The following RNASEK variants were observed in gnomAD, a reference collection of about 807,000 sequenced individuals.
The protein encoded by RNASEK is ribonuclease kappa.
A neutral mutation model predicts 11.2 loss-of-function variants in RNASEK; 7 were observed. That is an observed-to-expected ratio of 0.62 (90% CI 0.35 to 1.17). The LOEUF (loss-of-function observed/expected upper bound fraction) is 1.17, where lower values mean the gene tolerates loss of function less well. Among genes scored for constraint, RNASEK ranks in the 50% most tolerant of loss-of-function variants. RNASEK has a pLI of 0.02. For synonymous variants in RNASEK, 46 were observed against 49.5 expected (o/e 0.93, Z 0.30); for missense variants, 101 against 126.7 (o/e 0.80, Z 0.97).
rs113538531 is a variant in RNASEK at position 7,014,147 on chromosome 17, A to G, written c.158A>G (p.Asn53Ser). The G allele has an allele frequency of 1.8e-4, 283 of 1,554,744 alleles. 1 individual carries two copies. In the African/African-American group the frequency reaches 3.3e-3, roughly 18 times the overall value. ...CTTTGCTTCATTCCCACCCCCAGGA[A>G]TGGCCCCCAGAACATATACAACCTT... ...DVPFTEKDFE[N>S]GPQNIYNLYE... Residue 53 changes from asparagine to serine, a missense_variant and splice_region_variant, in exon 3 of 3, where the codon AAT becomes AGT. Physicochemically the swap from Asn to Ser is conservative, Grantham distance 46 (BLOSUM62 1). Transcript: ENST00000593646. The surrounding 1 kb of genome is among the most constrained non-coding windows in gnomAD (Gnocchi z 4.5).
intron 1 of RNASEK, chr17:7,013,356 A>C (rs1369773673): frequency 1.3e-6 from 2 of 1,530,020 alleles, no homozygotes; most frequent in Non-Finnish European, 1.8e-6. Flanking sequence ...AAATGATATG[A>C]AGAAGTGCCG....
At chr17:7,013,540 CCA>C (rs781211222) in intron 1 of RNASEK, 124 bp from the exon 2 acceptor site, 1 of 1,606,668 alleles carries the variant, frequency 6.2e-7, no homozygotes, top group East Asian at 2.2e-5. Context: ...AATCCAGTAA[CCA>C]CCACCTCGTT....
rs1281386557 is a variant in RNASEK at position 7,014,257 on chromosome 17, A to G, written c.268A>G (p.Asn90Asp). 1 of 1,613,714 alleles carries G rather than the reference A, an allele frequency of 6.2e-7. No individual in the cohort carries two copies. The highest frequency in any genetic ancestry group is 8.5e-7 in the Non-Finnish European group (1 of 1,179,802). The change falls in exon 3 of 3, where the codon AAT becomes GAT. Residue 90 changes from asparagine (N) to aspartate (D), a missense_variant. Physicochemically the swap from Asn to Asp is conservative, Grantham distance 23 (BLOSUM62 1). Transcript: ENST00000593646. The surrounding 1 kb of genome is among the most constrained non-coding windows in gnomAD (Gnocchi z 4.5). Reference sequence around the variant, plus strand: ...CTTCTCTTTCTGCCAAGTTCGGCTCAATAAGCGCAAGGAATACATGGTGCG... The same window carrying G: ...CTTCTCTTTCTGCCAAGTTCGGCTCGATAAGCGCAAGGAATACATGGTGCG... Reference protein sequence around the residue: ...GGFSFCQVRLNKRKEYMVR With the variant: ...GGFSFCQVRLDKRKEYMVR
At chr17:7,013,306 C>T in intron 1 of RNASEK, 5 of 1,502,668 alleles carry the variant, frequency 3.3e-6, no homozygotes, top group Non-Finnish European at 4.4e-6. Flanking sequence ...GTAGCTGGGC[C>T]TTGTTTTCCC....
intron 2 of RNASEK, 196 bp downstream of exon 2, chr17:7,013,938 G>A: frequency 1.5e-6 from 1 of 688,024 alleles, no homozygotes; most frequent in Non-Finnish European, 2.5e-6. Context: ...ACCACCTTAG[G>A]TGTGACCTCT....
Position 7,012,658 on chromosome 17 carries a change from C to T in RNASEK, c.-26C>T, listed in dbSNP as rs970835499. The T allele has an allele frequency of 1.2e-6, 2 of 1,611,384 alleles. No individual in the cohort carries two copies. Among genetic ancestry groups the T allele is most frequent in the African/African-American group, 2.7e-5 (2 of 74,942 alleles). On this transcript the variant is annotated 5_prime_UTR_variant, in exon 1 of 3. Coordinates refer to ENST00000593646, the MANE Select transcript of RNASEK (RefSeq NM_001004333.5). ...CACCGCTTTCCGAGCCCGCTTGCAC[C>T]TCGGCGATCCCCGACTCCCTTCTTT...
chr17:7,012,902 A>G (rs1369277818), intron 1 of RNASEK, 141 bp downstream of exon 1: 2 of 701,948 alleles, frequency 2.8e-6, no homozygotes, highest in Admixed American at 5.8e-5. Flanking sequence ...ACAGACTGAA[A>G]TTGAAAAATG....
chr17:7,012,840 GGGCCGCAGGCA>G, intron 1 of RNASEK, 79 bp downstream of exon 1: 3 of 1,374,688 alleles, frequency 2.2e-6, no homozygotes, highest in Non-Finnish European at 2.0e-6. Context: ...AGGAAACTCT[GGGCCGCAGGCA>G]GGCCGGAGGG....
At chr17:7,013,317 A>T in intron 1 of RNASEK, 1 of 1,512,518 alleles carries the variant, frequency 6.6e-7, no homozygotes, top group Non-Finnish European at 8.8e-7. Context: ...TTGTTTTCCC[A>T]GTAATCCACC....
At chr17:7,013,379 C>T (rs973327132) in intron 1 of RNASEK, 1 of 1,534,518 alleles carries the variant, frequency 6.5e-7, no homozygotes, top group African/African-American at 1.4e-5. Context: ...TCTCCCTCCC[C>T]TCTTCCGCAC....
chr17:7,013,501 TCA>T, intron 1 of RNASEK, 163 bp from the exon 2 acceptor site: 1 of 1,572,284 alleles, frequency 6.4e-7, no homozygotes, highest in Non-Finnish European at 8.6e-7. Context: ...TGTCACCACC[TCA>T]CGCCCTGTTC....
Position 7,014,059 on chromosome 17 carries a change from C to A in RNASEK, c.156-86C>A. 8.1e-7 allele frequency: 1 copy of A among 1,229,128 alleles called. No individual in the cohort carries two copies. Among genetic ancestry groups the A allele is most frequent in the Non-Finnish European group, 1.2e-6 (1 of 858,558 alleles). 76.1% of individuals were successfully genotyped at this position (1,229,128 alleles called of 1,614,324 possible). On this transcript the variant is annotated intron_variant, in intron 2 of 2. Transcript: ENST00000593646. This position sits in a 1 kb window ranked among gnomAD's most constrained non-coding sequence, Gnocchi z 4.5. ...TTGAATAAAGTAATACACGTAACAGCGCCTAAACAGGTGTCGGGCACATAG... is the reference window on the plus strand; with the variant it reads ...TTGAATAAAGTAATACACGTAACAGAGCCTAAACAGGTGTCGGGCACATAG...
rs776305917 is a variant in RNASEK, at chr17:7,013,600, G to A, written c.79-66G>A. On this transcript the variant is annotated intron_variant, in intron 1 of 2. Coordinates refer to ENST00000593646, the MANE Select transcript of RNASEK (RefSeq NM_001004333.5). ...GTTGTAGCAACATTGGAAATGGGAG[G>A]GGTTTACGAAGTGAACATGAGGTCA... 9 of 1,595,430 alleles carry A rather than the reference G, an allele frequency of 5.6e-6. No homozygotes were observed. In the South Asian group the frequency reaches 9.9e-5, roughly 18 times the overall value.
At chr17:7,013,835 G>T in intron 2 of RNASEK, 93 bp downstream of exon 2, 2 of 1,035,772 alleles carry the variant, frequency 1.9e-6, no homozygotes, top group South Asian at 1.3e-5. Context: ...GGTGCTTAGG[G>T]CCCCTAGGTT....
intron 1 of RNASEK, chr17:7,013,180 G>C (rs779625740): frequency 3.0e-4 from 179 of 597,560 alleles, no homozygotes; most frequent in Non-Finnish European, 4.7e-4. Flanking sequence ...GGAGGAGCCA[G>C]GGCTGGTAAA....
At position 7,014,334 on chromosome 17, in the gene RNASEK, C is replaced by T. The variant is rs1441435206; in HGVS notation, c.*48C>T. The T allele has an allele frequency of 6.9e-6, 11 of 1,601,456 alleles. No individual in the cohort carries two copies. Among genetic ancestry groups the T allele is most frequent in the East Asian group, 4.5e-5 (2 of 44,662 alleles). On this transcript the variant is annotated 3_prime_UTR_variant, in exon 3 of 3. Transcript: ENST00000593646. The surrounding 1 kb of genome is among the most constrained non-coding windows in gnomAD (Gnocchi z 4.5). ...CCAGCCCCTCCTCTATTTAAAGACT[C>T]CCTGCACCGTGTCACCCAGGTCGCG...
At chr17:7,012,840 G>A in intron 1 of RNASEK, 79 bp downstream of exon 1, 1 of 1,374,686 alleles carries the variant, frequency 7.3e-7, no homozygotes, top group Admixed American at 1.9e-5. Flanking sequence ...AGGAAACTCT[G>A]GGCCGCAGGC....
Position 7,013,762 on chromosome 17 carries a change from A to C in RNASEK, c.155+20A>C. The C allele has an allele frequency of 1.1e-5, 7 of 652,464 alleles. No individual in the cohort carries two copies. Among genetic ancestry groups the C allele is most frequent in the South Asian group, 2.7e-5 (2 of 73,198 alleles). 40.4% of individuals were successfully genotyped at this position (652,464 alleles called of 1,614,324 possible). ...TTTTGAGTAAGTATTCGGGTGGGGG[A>C]GGCGGGCTGGGAGCAGGTGGGAGGT... On this transcript the variant is annotated intron_variant, in intron 2 of 2. Transcript: ENST00000593646.
In RNASEK at chr17:7,014,314, CCCT is replaced by C. The variant is rs1909651082; in HGVS notation, c.*33_*35del. On this transcript the variant is annotated 3_prime_UTR_variant, in exon 3 of 3. Transcript: ENST00000593646. The surrounding 1 kb of genome is among the most constrained non-coding windows in gnomAD (Gnocchi z 4.5). ...CCCCGGCGCGTTTCCCCGCTCCAGCCCCTCCTCTATTTAAAGACTCCCTGCACC... is the reference window on the plus strand; with the variant it reads ...CCCCGGCGCGTTTCCCCGCTCCAGCCCCTCTATTTAAAGACTCCCTGCACC... 1.2e-6 allele frequency: 2 copies of C among 1,612,300 alleles called. No homozygotes were observed. The highest frequency in any genetic ancestry group is 1.1e-5 in the South Asian group (1 of 90,896).
Sources: allele counts gnomAD v4.1 joint callset, GRCh38; gene constraint gnomAD v4.1.1; non-coding constraint Gnocchi (gnomAD v3.1); transcripts MANE v1.5; gene names NCBI Gene and HGNC (gene_info 2026-07-23, HGNC 2026-07-21).